The following PTPRD variants were observed in gnomAD, a reference collection of about 807,000 sequenced individuals.
PTPRD encodes the protein receptor-type tyrosine-protein phosphatase delta.
In PTPRD, 34 loss-of-function variants were observed where a neutral mutation model predicts 214.5. The observed-to-expected ratio is 0.16, with a 90% CI of 0.12 to 0.21. The LOEUF (loss-of-function observed/expected upper bound fraction) is 0.21. Ranked by LOEUF, PTPRD falls within the 10% of genes least tolerant of loss-of-function variation. The probability of loss-of-function intolerance (pLI) is 1.00; values close to 1 mark genes in which losing one functional copy is unlikely to be tolerated. For synonymous variants in PTPRD, 1,128 were observed against 845.7 expected, an observed-to-expected ratio of 1.33 and a Z score of -5.79; for missense variants, 2,545 against 2,398.7, an observed-to-expected ratio of 1.06 and a Z score of -1.27.
At chr9:8,805,404 C>G (rs986038781) in intron 11 of PTPRD, among the ~76,000 whole-genome samples, 6 of 151,774 alleles carry the variant, frequency 4.0e-5, no homozygotes, top group African/African-American at 1.5e-4. Context: ...ATCCCATTAT[C>G]AGAAATGAAA....
chr9:8,512,939 C>A (rs1448092313), intron 21 of PTPRD, among the ~76,000 whole-genome samples: 1 of 151,772 alleles, frequency 6.6e-6, no homozygotes, highest in Admixed American at 6.6e-5. Flanking sequence ...ATATAGTTAC[C>A]CTATGCTTTT....
intron 11 of PTPRD, among the ~76,000 whole-genome samples, chr9:8,921,236 C>T (rs1309607894): frequency 6.6e-6 from 1 of 152,156 alleles, no homozygotes; most frequent in Non-Finnish European, 1.5e-5. Context: ...GAACTATTAT[C>T]TATACCAGAA....
intron 7 of PTPRD, among the ~76,000 whole-genome samples, chr9:9,682,777 T>G (rs1046946569): frequency 2.6e-5 from 4 of 151,774 alleles, no homozygotes; most frequent in Non-Finnish European, 5.9e-5. Flanking sequence ...GAAAGTCTGC[T>G]ACCAGCACAT....
chr9:9,671,783 G>C (rs2096837173), intron 7 of PTPRD, among the ~76,000 whole-genome samples: 1 of 152,100 alleles, frequency 6.6e-6, no homozygotes, highest in Admixed American at 6.6e-5. Context: ...ATGATTCTAA[G>C]GCCTCCCAGC....
At chr9:9,828,362 G>C (rs1377988645) in intron 5 of PTPRD, among the ~76,000 whole-genome samples, 1 of 152,116 alleles carries the variant, frequency 6.6e-6, no homozygotes, top group Non-Finnish European at 1.5e-5. Flanking sequence ...TAAGGACATG[G>C]ATGAAACTGG....
At chr9:8,327,779 A>AC (rs1835457541) in intron 44 of PTPRD, among the ~76,000 whole-genome samples, 1 of 149,750 alleles carries the variant, frequency 6.7e-6, no homozygotes, top group Non-Finnish European at 1.5e-5. Flanking sequence ...TGACCTCTGT[A>AC]CGTAATGCCC....
intron 36 of PTPRD, among the ~76,000 whole-genome samples, chr9:8,400,172 G>A (rs1458978111): frequency 6.6e-6 from 1 of 152,140 alleles, no homozygotes; most frequent in African/African-American, 2.4e-5. Flanking sequence ...AGTACTGGCA[G>A]CAGTGAAGAT....
At chr9:8,362,362 G>A (rs183576081) in intron 39 of PTPRD, among the ~76,000 whole-genome samples, 7 of 152,244 alleles carry the variant, frequency 4.6e-5, no homozygotes, top group Admixed American at 4.6e-4. Context: ...TCAGACTATA[G>A]TACCTCAGAG....
At chr9:9,299,907 A>T (rs1175971243) in intron 9 of PTPRD, among the ~76,000 whole-genome samples, 1 of 150,226 alleles carries the variant, frequency 6.7e-6, no homozygotes, top group East Asian at 2.0e-4. Context: ...TAATTTATAC[A>T]TTTTTTACTC....
Position 10,259,119 on chromosome 9 carries a change from T to A in PTPRD, c.-545+81844A>T, listed in dbSNP as rs375204763. On this transcript the variant is annotated intron_variant, in intron 3 of 45. Transcript: ENST00000381196. ...CTCACTGCAAGCTCCACCTCCCGGG[T>A]TCACACTATTCTTCTGCCTCAGCCT... Among the ~76,000 whole-genome samples the A allele has an allele frequency of 1.1e-4, 17 of 152,130 alleles. No homozygotes were observed. The East Asian group carries it at 3.1e-3, about 28-fold the overall frequency.
intron 2 of PTPRD, among the ~76,000 whole-genome samples, chr9:10,479,899 G>T (rs1357232348): frequency 6.6e-6 from 1 of 152,044 alleles, no homozygotes; most frequent in African/African-American, 2.4e-5. Context: ...CAATCTGAAG[G>T]GGCTTGTTAT....
At chr9:10,302,248 C>A (rs1009159199) in intron 3 of PTPRD, among the ~76,000 whole-genome samples, 5 of 152,164 alleles carry the variant, frequency 3.3e-5, no homozygotes, top group Admixed American at 3.3e-4. Flanking sequence ...GCTTGCCTTA[C>A]AAGAGCTCCT....
intron 36 of PTPRD, among the ~76,000 whole-genome samples, chr9:8,394,721 C>G (rs983896805): frequency 6.6e-6 from 1 of 152,240 alleles, no homozygotes; most frequent in East Asian, 1.9e-4. Context: ...TAAATAGAGG[C>G]TTTGTGTCTC....
intron 14 of PTPRD, among the ~76,000 whole-genome samples, chr9:8,536,374 C>G (rs1283918869): frequency 6.6e-6 from 1 of 151,696 alleles, no homozygotes; most frequent in East Asian, 1.9e-4. Flanking sequence ...AAAAATAGAT[C>G]TACATTTTAA....
At chr9:9,077,372 T>C (rs1248050824) in intron 10 of PTPRD, among the ~76,000 whole-genome samples, 2 of 51,098 alleles carry the variant, frequency 3.9e-5, no homozygotes, top group Non-Finnish European at 9.9e-5. Flanking sequence ...TGAATTCAGG[T>C]GACTGAAAAT....
chr9:10,075,829 TTTTCA>T (rs1266001203), intron 3 of PTPRD, among the ~76,000 whole-genome samples: 1 of 152,124 alleles, frequency 6.6e-6, no homozygotes, highest in Non-Finnish European at 1.5e-5. Flanking sequence ...GCTGAGGTTC[TTTTCA>T]TTTCTAGAAG....
At chr9:9,495,798 G>C (rs567059078) in intron 8 of PTPRD, among the ~76,000 whole-genome samples, 1 of 152,296 alleles carries the variant, frequency 6.6e-6, no homozygotes, top group East Asian at 1.9e-4. Flanking sequence ...TTGTCACACT[G>C]ACCCTTTGCC....
intron 3 of PTPRD, among the ~76,000 whole-genome samples, chr9:10,125,622 T>TTGTGTGTG (rs35164422): frequency 0.062 from 8,577 of 139,222 alleles, 319 homozygotes; most frequent in Admixed American, 0.1. Context: ...GCTCGGCTAA[T>TTGTGTGTG]TGTGTGTGTG....
At chr9:9,278,890 G>C (rs1595056493) in intron 9 of PTPRD, among the ~76,000 whole-genome samples, 2 of 151,266 alleles carry the variant, frequency 1.3e-5, no homozygotes, top group East Asian at 3.9e-4. Context: ...TTTGATTAGA[G>C]CAGAGAATTT....
Sources: gnomAD v4.1 joint callset for allele counts (sites outside exome capture counted in the v4.1 genomes callset) on GRCh38, gnomAD v4.1.1 for gene constraint, MANE v1.5 for transcripts, NCBI Gene and HGNC (gene_info 2026-07-23, HGNC 2026-07-21) for gene names.